The following ADAMTSL1 variants were observed in gnomAD, a reference collection of about 807,000 sequenced individuals.
ADAMTSL1 encodes ADAMTS like 1.
ADAMTSL1 carries 126 observed loss-of-function variants against 201.8 expected under a neutral mutation model. The observed-to-expected ratio is 0.62, with a 90% CI of 0.54 to 0.72. ADAMTSL1 has a LOEUF of 0.72. ADAMTSL1 is among the 30% of genes least tolerant of loss of function. The pLI is 0.00. For synonymous variants in ADAMTSL1, 1,121 were observed against 903.4 expected, an observed-to-expected ratio of 1.24 and a Z score of -4.32; for missense variants, 2,679 against 2,277.8, an observed-to-expected ratio of 1.18 and a Z score of -3.59.
intron 7 of ADAMTSL1, among the ~76,000 whole-genome samples, chr9:18,657,100 G>A (rs1828735472): frequency 6.6e-6 from 1 of 152,210 alleles, no homozygotes; most frequent in African/African-American, 2.4e-5. Flanking sequence ...GGGCCCAGAA[G>A]TTTGCCTTTT....
chr9:17,993,574 C>T (rs1373346109), intron 1 of ADAMTSL1, among the ~76,000 whole-genome samples: 1 of 152,140 alleles, frequency 6.6e-6, no homozygotes, highest in Admixed American at 6.5e-5. Context: ...TGAGAAGTGA[C>T]AGGATTCTCT....
chr9:18,187,804 G>A (rs1485982566), intron 2 of ADAMTSL1, among the ~76,000 whole-genome samples: 2 of 152,090 alleles, frequency 1.3e-5, no homozygotes, highest in South Asian at 2.1e-4. Context: ...AGTTCACTTG[G>A]ACTTCATTTG....
intron 1 of ADAMTSL1, among the ~76,000 whole-genome samples, chr9:18,131,514 G>A (rs1825953571): frequency 1.3e-5 from 2 of 152,122 alleles, no homozygotes; most frequent in Admixed American, 6.5e-5. Flanking sequence ...AGGGTTAATA[G>A]AAATCAAAGA....
intron 2 of ADAMTSL1, among the ~76,000 whole-genome samples, chr9:18,215,819 C>T (rs1830037162): frequency 1.3e-5 from 2 of 152,190 alleles, no homozygotes; most frequent in South Asian, 4.1e-4. Context: ...TCACGGAGAA[C>T]TCTGATTCAC....
At chr9:18,012,111 T>C (rs1257839657) in intron 1 of ADAMTSL1, among the ~76,000 whole-genome samples, 5 of 152,006 alleles carry the variant, frequency 3.3e-5, no homozygotes, top group African/African-American at 1.2e-4. Context: ...GTGCTCTTTG[T>C]GGGGTTACAT....
intron 2 of ADAMTSL1, among the ~76,000 whole-genome samples, chr9:18,352,619 T>A (rs1485124140): frequency 1.3e-5 from 2 of 152,222 alleles, no homozygotes; most frequent in Non-Finnish European, 2.9e-5. Flanking sequence ...TTTGCCTTTG[T>A]ACTTTATTAA....
At chr9:18,242,814 G>T (rs1017488974) in intron 2 of ADAMTSL1, among the ~76,000 whole-genome samples, 2 of 152,008 alleles carry the variant, frequency 1.3e-5, no homozygotes, top group African/African-American at 4.8e-5. Flanking sequence ...TCTCTACACT[G>T]AAACTATAAC....
chr9:18,644,317 A>T (rs187673969), intron 7 of ADAMTSL1, among the ~76,000 whole-genome samples: 3 of 151,956 alleles, frequency 2.0e-5, no homozygotes, highest in Admixed American at 6.6e-5. Context: ...GCTTTTTGAA[A>T]AAGATATTGC....
At chr9:18,192,214 A>G (rs1231866236) in intron 2 of ADAMTSL1, among the ~76,000 whole-genome samples, 6 of 152,194 alleles carry the variant, frequency 3.9e-5, no homozygotes, top group African/African-American at 1.4e-4. Flanking sequence ...CAATAAATCA[A>G]TAATGGTGTT....
intron 2 of ADAMTSL1, among the ~76,000 whole-genome samples, chr9:18,256,745 G>A (rs933253579): frequency 6.6e-6 from 1 of 152,290 alleles, no homozygotes; most frequent in East Asian, 1.9e-4. Context: ...ATGAGCCAGC[G>A]GTGTTGCCCA....
At chr9:18,240,773 T>C (rs929969485) in intron 2 of ADAMTSL1, among the ~76,000 whole-genome samples, 3 of 152,218 alleles carry the variant, frequency 2.0e-5, no homozygotes, top group Admixed American at 6.5e-5. Flanking sequence ...GCCTCCTTCA[T>C]CAGTGATCTT....
intron 2 of ADAMTSL1, among the ~76,000 whole-genome samples, chr9:18,511,512 T>A (rs540683663): frequency 6.6e-6 from 1 of 152,098 alleles, no homozygotes; most frequent in South Asian, 2.1e-4. Context: ...ACACAAGAGG[T>A]GCCTAAAACA....
At chr9:18,178,497 G>T (rs539899218) in intron 2 of ADAMTSL1, among the ~76,000 whole-genome samples, 15 of 151,508 alleles carry the variant, frequency 9.9e-5, no homozygotes, top group East Asian at 3.9e-4. Flanking sequence ...CAAAGCAGCC[G>T]GGAAGCTCGA....
chr9:18,491,224 T>G (rs79139648), intron 1 of ADAMTSL1, among the ~76,000 whole-genome samples: 1 of 152,220 alleles, frequency 6.6e-6, no homozygotes, highest in Non-Finnish European at 1.5e-5. Context: ...TTAAAAAAGA[T>G]GCCTGTGGTG....
chr9:18,655,699 G>T (rs1224976196), intron 7 of ADAMTSL1, among the ~76,000 whole-genome samples: 2 of 148,930 alleles, frequency 1.3e-5, no homozygotes, highest in African/African-American at 5.0e-5. Flanking sequence ...CAAATGCTCT[G>T]GTCTTTTATT....
intron 2 of ADAMTSL1, among the ~76,000 whole-genome samples, chr9:18,258,990 G>C (rs570508720): frequency 6.6e-6 from 1 of 152,106 alleles, no homozygotes; most frequent in Non-Finnish European, 1.5e-5. Context: ...CGCACTTGAC[G>C]ACTCCCTTCT....
intron 20 of ADAMTSL1, among the ~76,000 whole-genome samples, chr9:18,809,903 A>C (rs1192004119): frequency 6.6e-6 from 1 of 152,212 alleles, no homozygotes; most frequent in Non-Finnish European, 1.5e-5. Flanking sequence ...TTTTAGCAAG[A>C]TCACGCTGGC....
intron 2 of ADAMTSL1, chr9:18,360,622 G>T (rs1836476231): frequency 6.6e-6 from 1 of 152,172 alleles, no homozygotes; most frequent in Admixed American, 6.5e-5. Context: ...TGGGAACAGA[G>T]ACATTAACAC....
At chr9:18,460,367 T>C (rs1203963604) in intron 2 of ADAMTSL1, among the ~76,000 whole-genome samples, 3 of 152,126 alleles carry the variant, frequency 2.0e-5, no homozygotes, top group Non-Finnish European at 4.4e-5. Context: ...GCATGCAGAG[T>C]ATCTGCCTGA....
Sources: gnomAD v4.1 joint callset for allele counts (sites outside exome capture counted in the v4.1 genomes callset) on GRCh38, gnomAD v4.1.1 for gene constraint, MANE v1.5 for transcripts, NCBI Gene and HGNC (gene_info 2026-07-23, HGNC 2026-07-21) for gene names.